The following GRID2 variants were observed in gnomAD, a reference collection of about 807,000 sequenced individuals.
GRID2 encodes glutamate receptor ionotropic, delta-2.
A neutral mutation model predicts 114.8 loss-of-function variants in GRID2; 33 were observed. The observed-to-expected ratio is 0.29, with a 90% CI of 0.22 to 0.38. GRID2 has a LOEUF of 0.38. GRID2 is among the 10% of genes least tolerant of loss of function. The probability of loss-of-function intolerance (pLI) is 1.00; values close to 1 mark genes in which losing one functional copy is unlikely to be tolerated. For synonymous variants in GRID2, 505 were observed against 449.9 expected (o/e 1.12, Z -1.55); for missense variants, 1,184 against 1,257.7 (o/e 0.94, Z 0.89).
intron 3 of GRID2, among the ~76,000 whole-genome samples, chr4:93,108,606 C>G (rs569017630): frequency 6.6e-6 from 1 of 150,460 alleles, no homozygotes; most frequent in East Asian, 2.0e-4. Context: ...ATAATCTGCT[C>G]TGTCTGCTCT....
At chr4:92,674,627 A>G (rs1328533032) in intron 2 of GRID2, among the ~76,000 whole-genome samples, 5 of 152,046 alleles carry the variant, frequency 3.3e-5, no homozygotes, top group South Asian at 2.1e-4. Context: ...GGTTCAAGCA[A>G]TTCTCTGCCT....
intron 1 of GRID2, among the ~76,000 whole-genome samples, chr4:92,431,835 G>C (rs928810994): frequency 3.3e-5 from 5 of 152,140 alleles, no homozygotes; most frequent in Non-Finnish European, 7.4e-5. Context: ...TTATTGTAGT[G>C]TTCACAGTTT....
chr4:92,581,116 A>T (rs567414812), intron 1 of GRID2, among the ~76,000 whole-genome samples: 16 of 151,970 alleles, frequency 1.1e-4, no homozygotes, highest in African/African-American at 3.6e-4. Flanking sequence ...AAGAGATGTA[A>T]ACTAATTTAG....
downstream of GRID2, among the ~76,000 whole-genome samples, chr4:93,775,144 TAA>T (rs566720059): frequency 2.5e-4 from 36 of 142,942 alleles, no homozygotes; most frequent in South Asian, 6.9e-3. Context: ...CATAATTTAC[TAA>T]AAAAAAAAAA....
At chr4:93,593,993 G>C (rs1246364627) in intron 13 of GRID2, among the ~76,000 whole-genome samples, 1 of 151,736 alleles carries the variant, frequency 6.6e-6, no homozygotes, top group South Asian at 2.1e-4. Flanking sequence ...CTTTGCCTTT[G>C]GTTTGAATGT....
At chr4:92,469,933 A>C (rs537470166) in intron 1 of GRID2, among the ~76,000 whole-genome samples, 15 of 152,082 alleles carry the variant, frequency 9.9e-5, no homozygotes, top group African/African-American at 3.6e-4. Context: ...ATAGGATACA[A>C]AATTTTAAAT....
At chr4:93,319,530 C>A (rs536629924) in intron 8 of GRID2, 1 of 151,992 alleles carries the variant, frequency 6.6e-6, no homozygotes, top group African/African-American at 2.4e-5. Flanking sequence ...AGGGATTTTA[C>A]AGATGCAATT....
At chr4:93,231,444 A>T (rs1561017769) in intron 7 of GRID2, among the ~76,000 whole-genome samples, 2 of 151,934 alleles carry the variant, frequency 1.3e-5, no homozygotes, top group Non-Finnish European at 2.9e-5. Context: ...GACTAACTAT[A>T]CAAAGAGCTA....
At chr4:92,493,582 AT>A (rs1199406993) in intron 1 of GRID2, among the ~76,000 whole-genome samples, 3 of 152,192 alleles carry the variant, frequency 2.0e-5, no homozygotes, top group Admixed American at 6.6e-5. Flanking sequence ...CATCACTCAC[AT>A]TTCTATCCCA....
At chr4:92,783,740 GCCGAGTGCCGTACTGTGC>G (rs1233521472) in intron 2 of GRID2, among the ~76,000 whole-genome samples, 7 of 151,866 alleles carry the variant, frequency 4.6e-5, no homozygotes, top group Non-Finnish European at 1.0e-4. Context: ...CAAAAAATTA[GCCGAGTGCCGTACTGTGC>G]CCTTGTAGTC....
chr4:93,244,242 T>C (rs568388553), intron 8 of GRID2, among the ~76,000 whole-genome samples: 5 of 151,960 alleles, frequency 3.3e-5, no homozygotes, highest in Non-Finnish European at 5.9e-5. Context: ...GAAAAGCTGA[T>C]TAAAGCTGGT....
chr4:92,627,920 A>G (rs534536360), intron 2 of GRID2, among the ~76,000 whole-genome samples: 119 of 152,248 alleles, frequency 7.8e-4, no homozygotes, highest in Non-Finnish European at 1.4e-3. Flanking sequence ...TTGAGCTATC[A>G]GTGTGATTTT....
At chr4:92,346,385 G>A (rs779757649) in intron 1 of GRID2, among the ~76,000 whole-genome samples, 8 of 151,986 alleles carry the variant, frequency 5.3e-5, no homozygotes, top group Non-Finnish European at 8.8e-5. Context: ...TTTTGTTTGC[G>A]ACAGGGTCTT....
chr4:93,162,035 A>T (rs1579156825), intron 4 of GRID2, among the ~76,000 whole-genome samples: 1 of 151,832 alleles, frequency 6.6e-6, no homozygotes, highest in East Asian at 1.9e-4. Context: ...AAAGCCTTGA[A>T]ATCCTAATAA....
chr4:93,047,835 A>G (rs1726294063), intron 2 of GRID2, among the ~76,000 whole-genome samples: 1 of 151,688 alleles, frequency 6.6e-6, no homozygotes, highest in Non-Finnish European at 1.5e-5. Flanking sequence ...TGAATACTCT[A>G]ATTTCTCCCC....
chr4:93,159,880 A>G (rs1737526445), intron 4 of GRID2, among the ~76,000 whole-genome samples: 1 of 151,756 alleles, frequency 6.6e-6, no homozygotes, highest in African/African-American at 2.4e-5. Context: ...TAATTCCATT[A>G]TTTAAAAAAT....
At chr4:93,628,522 A>AAATAGAAGAG (rs1348133191) in intron 14 of GRID2, among the ~76,000 whole-genome samples, 1 of 152,160 alleles carries the variant, frequency 6.6e-6, no homozygotes, top group Non-Finnish European at 1.5e-5. Flanking sequence ...GAGAAGGAAC[A>AAATAGAAGAG]AATAGAAGAG....
chr4:92,788,501 A>G (rs929405233), intron 2 of GRID2, among the ~76,000 whole-genome samples: 2 of 151,964 alleles, frequency 1.3e-5, no homozygotes, highest in Non-Finnish European at 2.9e-5. Context: ...TCCTTAAAAG[A>G]GAACATGCAA....
intron 13 of GRID2, among the ~76,000 whole-genome samples, chr4:93,535,356 A>G (rs1021088754): frequency 6.6e-6 from 1 of 152,044 alleles, no homozygotes; most frequent in Non-Finnish European, 1.5e-5. Context: ...CACCATGAAC[A>G]TAAGAACACA....
Sources: allele counts gnomAD v4.1 joint callset (sites outside exome capture counted in the v4.1 genomes callset), GRCh38; gene constraint gnomAD v4.1.1; transcripts MANE v1.5; gene names NCBI Gene and HGNC (gene_info 2026-07-23, HGNC 2026-07-21).